The following CPQ variants were observed in gnomAD, a reference collection of about 807,000 sequenced individuals.
CPQ encodes the protein Ser-Met dipeptidase.
A neutral mutation model predicts 45.7 loss-of-function variants in CPQ; 37 were observed. The ratio of observed to expected loss-of-function variants is 0.81; its 90% CI spans 0.62 to 1.07. The LOEUF (loss-of-function observed/expected upper bound fraction) is 1.07, where lower values mean the gene tolerates loss of function less well. CPQ is among the 50% of genes least tolerant of loss of function. The pLI, the probability that CPQ is intolerant of heterozygous loss-of-function variation, is 0.00. For missense variants in CPQ, 537 were observed against 572.9 expected (o/e 0.94, Z 0.64); for synonymous variants, 186 against 205.8 (o/e 0.90, Z 0.82).
intron 3 of CPQ, among the ~76,000 whole-genome samples, chr8:96,864,172 C>G (rs1314288397): frequency 6.6e-6 from 1 of 151,984 alleles, no homozygotes; most frequent in Non-Finnish European, 1.5e-5. Flanking sequence ...CTATTCCTCT[C>G]TCACTTCCTA....
In CPQ at chr8:96,645,301, C is replaced by A. The variant is rs992549609; in HGVS notation, c.-136C>A. 5 of 152,356 alleles carry A rather than the reference C, an allele frequency of 3.3e-5. No individual in the cohort carries two copies. The highest frequency in any genetic ancestry group is 1.2e-4 in the African/African-American group (5 of 41,454). The allele number at this position is 152,356 out of a possible 1,614,324, so 9.4% of individuals were successfully genotyped here. The stretch of plus-strand genomic sequence containing the variant: ...TGCAGTCACGGGGCGGCGCGGAGGG[C>A]CCCAGCCCAGTCAGGGGTGTGGCCG... On this transcript the variant is annotated 5_prime_UTR_variant, in exon 1 of 8. Coordinates refer to ENST00000220763, the MANE Select transcript of CPQ (RefSeq NM_016134.4).
At chr8:96,794,419 A>G (rs996510768) in intron 2 of CPQ, among the ~76,000 whole-genome samples, 1 of 152,156 alleles carries the variant, frequency 6.6e-6, no homozygotes, top group African/African-American at 2.4e-5. Flanking sequence ...AATTCCCTAG[A>G]TGGCACACAG....
At chr8:96,789,304 C>T (rs988406909) in intron 2 of CPQ, among the ~76,000 whole-genome samples, 1 of 152,134 alleles carries the variant, frequency 6.6e-6, no homozygotes, top group African/African-American at 2.4e-5. Context: ...TTGTCTTCCT[C>T]CCTTTCCCCC....
At chr8:96,743,853 G>T (rs1245266184) in intron 1 of CPQ, among the ~76,000 whole-genome samples, 2 of 152,230 alleles carry the variant, frequency 1.3e-5, no homozygotes, top group Non-Finnish European at 2.9e-5. Flanking sequence ...CCAGCTGCGT[G>T]CTGGGAGAAC....
At chr8:96,929,578 G>T (rs1265997290) in intron 4 of CPQ, among the ~76,000 whole-genome samples, 1 of 152,198 alleles carries the variant, frequency 6.6e-6, no homozygotes, top group Admixed American at 6.5e-5. Context: ...TACTCTCACG[G>T]TTTTGTTCAG....
At chr8:96,985,095 G>A (rs1173639582) in intron 5 of CPQ, among the ~76,000 whole-genome samples, 4 of 151,976 alleles carry the variant, frequency 2.6e-5, no homozygotes, top group Admixed American at 6.6e-5. Context: ...TTTTTTCCCA[G>A]AATTTGGAAG....
chr8:96,900,019 ATTCCT>A (rs904201697), intron 4 of CPQ, among the ~76,000 whole-genome samples: 21 of 152,002 alleles, frequency 1.4e-4, no homozygotes, highest in African/African-American at 5.1e-4. Context: ...TCTTCTTCAA[ATTCCT>A]GGTACCTTTT....
intron 5 of CPQ, among the ~76,000 whole-genome samples, chr8:96,986,979 T>C (rs1279512946): frequency 1.3e-5 from 2 of 152,090 alleles, no homozygotes; most frequent in Non-Finnish European, 2.9e-5. Context: ...CATTGTTGGC[T>C]AGTGGCCCTG....
At chr8:97,086,575 A>C (rs545484476) in intron 7 of CPQ, among the ~76,000 whole-genome samples, 70 of 152,282 alleles carry the variant, frequency 4.6e-4, no homozygotes, top group African/African-American at 1.6e-3. Flanking sequence ...TTATTAGCTC[A>C]TATAGGCTTT....
At chr8:96,966,283 T>C (rs72664536) in intron 5 of CPQ, among the ~76,000 whole-genome samples, 2,156 of 152,184 alleles carry the variant, frequency 0.014, 27 homozygotes, top group Non-Finnish European at 0.021. Flanking sequence ...AACAAGCAAA[T>C]AAAACTGAAG....
chr8:96,718,952 A>G (rs546090303), intron 1 of CPQ, among the ~76,000 whole-genome samples: 2 of 152,222 alleles, frequency 1.3e-5, no homozygotes, highest in South Asian at 2.1e-4. Flanking sequence ...CGATTGCTGT[A>G]TTTACAATCC....
At chr8:97,035,970 G>A (rs1298653263) in intron 6 of CPQ, among the ~76,000 whole-genome samples, 3 of 152,138 alleles carry the variant, frequency 2.0e-5, no homozygotes, top group Non-Finnish European at 4.4e-5. Context: ...GCCTCCCAAA[G>A]TGCTGGGATT....
chr8:96,655,435 T>C (rs1241744271), intron 1 of CPQ, among the ~76,000 whole-genome samples: 1 of 152,138 alleles, frequency 6.6e-6, no homozygotes, highest in African/African-American at 2.4e-5. Flanking sequence ...ACTTCTTCTA[T>C]ATTCTCATTT....
At chr8:96,898,655 T>A (rs961715405) in intron 4 of CPQ, among the ~76,000 whole-genome samples, 1 of 145,670 alleles carries the variant, frequency 6.9e-6, no homozygotes, top group Admixed American at 6.8e-5. Context: ...AGGGATAGCA[T>A]TGGGAGATAT....
At chr8:96,737,971 T>A (rs775600434) in intron 1 of CPQ, among the ~76,000 whole-genome samples, 1 of 152,204 alleles carries the variant, frequency 6.6e-6, no homozygotes, top group Non-Finnish European at 1.5e-5. Context: ...TTTTTATTCT[T>A]CTATAGCCCA....
At chr8:96,920,429 A>G (rs899541042) in intron 4 of CPQ, among the ~76,000 whole-genome samples, 1 of 152,158 alleles carries the variant, frequency 6.6e-6, no homozygotes, top group Non-Finnish European at 1.5e-5. Context: ...TTGTTTTCTT[A>G]ACAATTATAA....
chr8:96,698,875 A>C (rs1307535260), intron 1 of CPQ, among the ~76,000 whole-genome samples: 1 of 152,144 alleles, frequency 6.6e-6, no homozygotes, highest in Non-Finnish European at 1.5e-5. Flanking sequence ...CTTGTACACT[A>C]TTGGTGGGAA....
chr8:97,029,699 C>A (rs910915523), intron 6 of CPQ, among the ~76,000 whole-genome samples: 11 of 150,458 alleles, frequency 7.3e-5, no homozygotes, highest in Admixed American at 6.6e-4. Flanking sequence ...GGCTTTTCTT[C>A]TTCTACACCA....
chr8:96,684,268 G>A (rs1396560192), intron 1 of CPQ, among the ~76,000 whole-genome samples: 1 of 152,166 alleles, frequency 6.6e-6, no homozygotes, highest in Non-Finnish European at 1.5e-5. Flanking sequence ...GGTTGGGCAC[G>A]GTAGTATAGT....
Sources: allele counts gnomAD v4.1 joint callset (sites outside exome capture counted in the v4.1 genomes callset), GRCh38; gene constraint gnomAD v4.1.1; transcripts MANE v1.5; gene names NCBI Gene and HGNC (gene_info 2026-07-23, HGNC 2026-07-21).